The following GPHN variants were observed in gnomAD, a reference collection of about 807,000 sequenced individuals.
GPHN encodes the protein gephyrin.
GPHN carries 17 observed loss-of-function variants against 95.5 expected under a neutral mutation model. The ratio of observed to expected loss-of-function variants is 0.18; its 90% CI spans 0.12 to 0.27. The LOEUF (loss-of-function observed/expected upper bound fraction) is 0.27, where lower values mean the gene tolerates loss of function less well. GPHN is among the 10% of genes least tolerant of loss of function. The pLI, the probability that GPHN is intolerant of heterozygous loss-of-function variation, is 1.00. For missense variants in GPHN, 660 were observed against 978.1 expected (o/e 0.67, Z 4.34); for synonymous variants, 320 against 322.5 (o/e 0.99, Z 0.08).
At chr14:66,610,715 A>G (rs1380825138) in intron 1 of GPHN, among the ~76,000 whole-genome samples, 1 of 152,150 alleles carries the variant, frequency 6.6e-6, no homozygotes, top group Non-Finnish European at 1.5e-5. Flanking sequence ...GACCACTGAC[A>G]TGGGATTTTA....
chr14:67,089,133 C>CTTTT (rs1163483546), intron 12 of GPHN, 58 bp downstream of exon 12: 58 of 200,392 alleles, frequency 2.9e-4, no homozygotes, highest in South Asian at 3.8e-4. Context: ...TTCTTTTTTT[C>CTTTT]TTTTTTTTTT....
At chr14:67,348,964 C>A in the GPHN span, 1 of 1,376,272 alleles carries the variant, frequency 7.3e-7, no homozygotes, top group Non-Finnish European at 1.0e-6. Flanking sequence ...TAAGATCTTG[C>A]TGTATAAACA....
intron 9 of GPHN, among the ~76,000 whole-genome samples, chr14:67,007,244 G>T (rs967292392): frequency 6.6e-6 from 1 of 152,002 alleles, no homozygotes; most frequent in African/African-American, 2.4e-5. Context: ...CAAATGAATG[G>T]TCCCAAAATT....
At chr14:66,572,596 T>C (rs1209682424) in intron 1 of GPHN, among the ~76,000 whole-genome samples, 1 of 152,146 alleles carries the variant, frequency 6.6e-6, no homozygotes, top group African/African-American at 2.4e-5. Flanking sequence ...ATGCTACTGA[T>C]ATTTGTACGT....
intron 2 of GPHN, among the ~76,000 whole-genome samples, chr14:66,703,229 A>G (rs2068729691): frequency 6.6e-6 from 1 of 152,226 alleles, no homozygotes; most frequent in Non-Finnish European, 1.5e-5. Context: ...ACACTTCAGG[A>G]TAATATCCAG....
chr14:67,426,537 G>A, the GPHN span, among the ~76,000 whole-genome samples: 2 of 152,144 alleles, frequency 1.3e-5, no homozygotes, highest in African/African-American at 4.8e-5. Context: ...TAGGCTGCCG[G>A]GTTCGGGGGA....
At chr14:67,654,865 T>C in the GPHN span, among the ~76,000 whole-genome samples, 1 of 151,600 alleles carries the variant, frequency 6.6e-6, no homozygotes, top group Admixed American at 6.6e-5. Flanking sequence ...CCGTCTCTAC[T>C]AAAAATACGA....
chr14:67,629,285 A>G, the GPHN span, among the ~76,000 whole-genome samples: 2 of 152,196 alleles, frequency 1.3e-5, no homozygotes, highest in East Asian at 3.8e-4. Context: ...GCAGTGAGCT[A>G]TGATCATACC....
chr14:67,178,348 G>T (rs931747798), intron 21 of GPHN, among the ~76,000 whole-genome samples: 2 of 152,100 alleles, frequency 1.3e-5, no homozygotes, highest in African/African-American at 2.4e-5. Flanking sequence ...ATGAAATTCT[G>T]GGTTGAAAAT....
At chr14:66,696,016 A>G (rs2068078776) in intron 2 of GPHN, among the ~76,000 whole-genome samples, 1 of 152,210 alleles carries the variant, frequency 6.6e-6, no homozygotes, top group Non-Finnish European at 1.5e-5. Flanking sequence ...TTGGGTGATA[A>G]TGATGTGTCA....
the GPHN span, among the ~76,000 whole-genome samples, chr14:67,284,561 A>AAAAAAAAC: frequency 7.5e-6 from 1 of 133,992 alleles, no homozygotes; most frequent in Non-Finnish European, 1.6e-5. Context: ...AAAAAAAAAA[A>AAAAAAAAC]AAAAAAAAAA....
At chr14:67,349,126 T>G in the GPHN span, 7 of 1,609,746 alleles carry the variant, frequency 4.3e-6, no homozygotes, top group Admixed American at 1.2e-4. Flanking sequence ...GAGAAAGACT[T>G]TATTTAGCAG....
At chr14:66,835,179 A>T in intron 4 of GPHN, among the ~76,000 whole-genome samples, 1 of 147,792 alleles carries the variant, frequency 6.8e-6, no homozygotes, top group African/African-American at 2.5e-5. Flanking sequence ...GCGGTCTATC[A>T]ATTTTGTTGA....
At chr14:67,402,021 C>T in the GPHN span, among the ~76,000 whole-genome samples, 3 of 152,162 alleles carry the variant, frequency 2.0e-5, no homozygotes, top group Admixed American at 1.3e-4. Flanking sequence ...ATCCCAGCTA[C>T]TCAGGAGGCT....
At chr14:67,436,792 A>T in the GPHN span, among the ~76,000 whole-genome samples, 1 of 152,216 alleles carries the variant, frequency 6.6e-6, no homozygotes, top group Admixed American at 6.5e-5. Context: ...GCTGTGGCTC[A>T]CGCTTGTCAT....
chr14:67,572,738 C>T, the GPHN span, among the ~76,000 whole-genome samples: 2 of 152,254 alleles, frequency 1.3e-5, no homozygotes, highest in Non-Finnish European at 2.9e-5. Flanking sequence ...CACTACATGC[C>T]AGGGCTAGCA....
rs569109288 is a variant in GPHN at position 66,573,477 on chromosome 14, G to T, written c.64+64886G>T. Among the ~76,000 whole-genome samples, 29 of 148,822 alleles carry T rather than the reference G, an allele frequency of 1.9e-4. No homozygotes were observed. The South Asian group carries it at 2.3e-3, about 12-fold the overall frequency. ...TTTTTTTTTTTTTTTTTCTGAGACGGAGTCTCGCTCTGTTGCCCAGGCTGG... is the reference window on the plus strand; with the variant it reads ...TTTTTTTTTTTTTTTTTCTGAGACGTAGTCTCGCTCTGTTGCCCAGGCTGG... On this transcript the variant is annotated intron_variant, in intron 1 of 22. Transcript: ENST00000478722.
chr14:67,334,953 A>T, the GPHN span: 1 of 152,206 alleles, frequency 6.6e-6, no homozygotes, highest in Non-Finnish European at 1.5e-5. Flanking sequence ...GTTCATGTTA[A>T]GTTAGAGTGA....
At chr14:66,627,703 G>A (rs2063575568) in intron 1 of GPHN, among the ~76,000 whole-genome samples, 1 of 152,044 alleles carries the variant, frequency 6.6e-6, no homozygotes, top group Non-Finnish European at 1.5e-5. Context: ...ACTTGATATT[G>A]TTAGACTTAA....
Sources: allele counts gnomAD v4.1 joint callset (sites outside exome capture counted in the v4.1 genomes callset), GRCh38; gene constraint gnomAD v4.1.1; transcripts MANE v1.5; gene names NCBI Gene and HGNC (gene_info 2026-07-23, HGNC 2026-07-21).